The following DZIP1 variants were observed in gnomAD, a reference collection of about 807,000 sequenced individuals.
The protein encoded by DZIP1 is cilium assembly protein DZIP1.
In DZIP1, 97 loss-of-function variants were observed where a neutral mutation model predicts 107.6. That is an observed-to-expected ratio of 0.90 (90% CI 0.77 to 1.07). DZIP1 has a LOEUF of 1.07. Among genes scored for constraint, DZIP1 ranks in the 50% least tolerant of loss-of-function variants. DZIP1 has a pLI of 0.00. For synonymous variants in DZIP1, 390 were observed against 386.4 expected, an observed-to-expected ratio of 1.01 and a Z score of -0.11; for missense variants, 1,035 against 1,063.6, an observed-to-expected ratio of 0.97 and a Z score of 0.37.
intron 5 of DZIP1, among the ~76,000 whole-genome samples, chr13:95,639,043 G>A (rs1330932959): frequency 2.6e-5 from 4 of 152,120 alleles, no homozygotes; most frequent in African/African-American, 9.7e-5. Context: ...TCATTCCCAG[G>A]TATTAGCTAA....
intron 15 of DZIP1, among the ~76,000 whole-genome samples, chr13:95,596,680 T>C (rs1014461652): frequency 6.6e-6 from 1 of 152,194 alleles, no homozygotes; most frequent in African/African-American, 2.4e-5. Context: ...GAAAATAAAA[T>C]GCCCTCTAAG....
intron 13 of DZIP1, among the ~76,000 whole-genome samples, chr13:95,607,010 C>T (rs1292414094): frequency 6.6e-6 from 1 of 152,010 alleles, no homozygotes; most frequent in Non-Finnish European, 1.5e-5. Context: ...TAATCTTACC[C>T]TAAAAAATAC....
chr13:95,584,593 C>G (rs187906336), intron 22 of DZIP1, 143 bp downstream of exon 22: 4 of 1,418,710 alleles, frequency 2.8e-6, no homozygotes, highest in East Asian at 4.8e-5. Flanking sequence ...CATATCCAAT[C>G]CTTATTTAAA....
At chr13:95,638,710 G>T (rs560578912) in intron 5 of DZIP1, among the ~76,000 whole-genome samples, 15 of 152,184 alleles carry the variant, frequency 9.9e-5, no homozygotes, top group African/African-American at 3.4e-4. Flanking sequence ...GCGTGTGTGT[G>T]TCTGTCTGTC....
Position 95,637,604 on chromosome 13 carries a change from A to ATC in DZIP1, c.597+3689_597+3690dup, listed in dbSNP as rs10539901. On this transcript the variant is annotated intron_variant, in intron 5 of 22. Coordinates refer to ENST00000376829, the MANE Select transcript of DZIP1 (RefSeq NM_198968.4). ...AAAGAAAAAGAGAGAGACATTAGCG[A>ATC]TCTCTCTCTCTCTCTCTCTCTCTCT... is the stretch of plus-strand genomic sequence containing the variant. Among the ~76,000 whole-genome samples the ATC allele has an allele frequency of 2.6e-3, 383 of 145,178 alleles. 4 individuals are homozygous for ATC. The highest frequency in any genetic ancestry group is 8.1e-3 in the African/African-American group (314 of 38,722).
intron 16 of DZIP1, 122 bp downstream of exon 16, chr13:95,593,822 T>G: frequency 3.3e-6 from 4 of 1,217,046 alleles, no homozygotes; most frequent in Non-Finnish European, 4.5e-6. Flanking sequence ...GTAGGTCACA[T>G]TAGCCTCTGT....
At position 95,599,420 on chromosome 13, in the gene DZIP1, C is replaced by A; in HGVS notation, c.1482G>T (p.Gln494His). The change falls in exon 15 of 23, where the codon CAG (glutamine) becomes CAT (histidine). Residue 494 changes from glutamine to histidine, a missense_variant. Gln to His is a conservative substitution (Grantham distance 24). Coordinates refer to ENST00000376829, the MANE Select transcript of DZIP1 (RefSeq NM_198968.4). ...TKSSLPMVHE[Q>H]AFSSHILEPI... ...GTTCCAGTATGTGCGACGAGAATGC[C>A]TGTTCTATTAACAAGGAAAAATAAG... 1 of 1,613,298 alleles carries A rather than the reference C, an allele frequency of 6.2e-7. No homozygotes were observed. Among genetic ancestry groups the A allele is most frequent in the Non-Finnish European group, 8.5e-7 (1 of 1,179,378 alleles).
rs1349020446 is a variant in DZIP1 at position 95,580,417 on chromosome 13, A to G, written c.*1817T>C. 1.3e-5 allele frequency: 2 copies of G among 152,120 alleles called. No individual in the cohort carries two copies. The allele number at this position is 152,120 out of a possible 1,614,324, so 9.4% of individuals were successfully genotyped here. On this transcript the variant is annotated 3_prime_UTR_variant, in exon 23 of 23. Coordinates refer to ENST00000376829, the MANE Select transcript of DZIP1 (RefSeq NM_198968.4). ...TAAAAGACACAGATATAGTGACTTA[A>G]TTTAAATACTGGGTTTACTTAGCAA...
At chr13:95,617,993 A>C (rs777174744) in intron 10 of DZIP1, 1 of 519,048 alleles carries the variant, frequency 1.9e-6, no homozygotes, top group Non-Finnish European at 3.8e-6. Context: ...AAACCCAAGA[A>C]CTTCATCTTA....
chr13:95,630,901 A>G (rs564115061), intron 6 of DZIP1: 2 of 408,678 alleles, frequency 4.9e-6, no homozygotes, highest in South Asian at 3.8e-5. Flanking sequence ...AAGAGAAAGA[A>G]GGTCAGTTTC....
chr13:95,602,313 G>A (rs935775123), intron 14 of DZIP1, among the ~76,000 whole-genome samples: 11 of 151,978 alleles, frequency 7.2e-5, no homozygotes, highest in Admixed American at 3.3e-4. Flanking sequence ...CCTCCTACTC[G>A]GCTCAAATGG....
At chr13:95,612,741 T>C (rs898031296) in intron 10 of DZIP1, among the ~76,000 whole-genome samples, 1 of 152,086 alleles carries the variant, frequency 6.6e-6, no homozygotes, top group African/African-American at 2.4e-5. Context: ...CACACAACCA[T>C]ACCTGGCTAA....
chr13:95,633,117 G>T, intron 6 of DZIP1, 117 bp downstream of exon 6: 1 of 934,156 alleles, frequency 1.1e-6, no homozygotes, highest in Non-Finnish European at 1.6e-6. Flanking sequence ...TTACTGAATT[G>T]ACAGGGACCG....
chr13:95,635,292 G>A (rs1326217171), intron 5 of DZIP1, among the ~76,000 whole-genome samples: 2 of 149,758 alleles, frequency 1.3e-5, no homozygotes, highest in Non-Finnish European at 3.0e-5. Context: ...AACCTCCCAG[G>A]TTCAAGCGAT....
intron 22 of DZIP1, among the ~76,000 whole-genome samples, chr13:95,583,967 TA>T (rs1457471333): frequency 2.6e-5 from 4 of 151,564 alleles, no homozygotes; most frequent in African/African-American, 7.3e-5. Context: ...CTAAAAAAAA[TA>T]AAAAAATAAT....
chr13:95,612,826 C>T (rs2045057593), intron 10 of DZIP1, among the ~76,000 whole-genome samples: 1 of 152,094 alleles, frequency 6.6e-6, no homozygotes, highest in Admixed American at 6.5e-5. Flanking sequence ...CTCAGTCGAT[C>T]CACCCGCCTT....
In DZIP1 at chr13:95,619,928, C is replaced by G. The variant is rs374810381; in HGVS notation, c.1130G>C (p.Arg377Pro). ...LDSQESKWTA[R>P]VQAIHQEHKK... ...GTGTTCTTGATGAATAGCTTGAACT[C>G]GAGCTGTCCATTTGCTTTCCTACAA... is the stretch of plus-strand genomic sequence containing the variant. Residue 377 changes from arginine (R) to proline (P), a missense_variant, in exon 10 of 23, where the codon CGA (arginine) becomes CCA (proline). Physicochemically the swap from Arg to Pro is moderately radical, Grantham distance 103. Transcript: ENST00000376829. 6.2e-6 allele frequency: 10 copies of G among 1,613,686 alleles called. No individual in the cohort carries two copies. The highest frequency in any genetic ancestry group is 7.6e-6 in the Non-Finnish European group (9 of 1,179,944).
chr13:95,627,587 C>A (rs955859289), intron 7 of DZIP1, among the ~76,000 whole-genome samples: 1 of 152,144 alleles, frequency 6.6e-6, no homozygotes, highest in Non-Finnish European at 1.5e-5. Context: ...CGATGAGATA[C>A]CACTTCCCAC....
chr13:95,632,604 A>G (rs993006036), intron 6 of DZIP1, among the ~76,000 whole-genome samples: 1 of 152,202 alleles, frequency 6.6e-6, no homozygotes, highest in Non-Finnish European at 1.5e-5. Flanking sequence ...TAAGGTACAC[A>G]TTAATTAGAT....
Sources: allele counts gnomAD v4.1 joint callset (sites outside exome capture counted in the v4.1 genomes callset), GRCh38; gene constraint gnomAD v4.1.1; transcripts MANE v1.5; gene names NCBI Gene and HGNC (gene_info 2026-07-23, HGNC 2026-07-21).